OTUD7A: variants seen among roughly 807,000 people sequenced by gnomAD.
The protein encoded by OTUD7A is OTU domain-containing protein 7A.
A neutral mutation model predicts 65.7 loss-of-function variants in OTUD7A; 12 were observed. That is an observed-to-expected ratio of 0.18 (90% confidence interval 0.12 to 0.30). The LOEUF (loss-of-function observed/expected upper bound fraction) is 0.30, where lower values mean the gene tolerates loss of function less well. Among genes scored for constraint, OTUD7A ranks in the 10% least tolerant of loss-of-function variants. The pLI is 1.00. For missense variants in OTUD7A, 1,148 were observed against 1,304.8 expected (o/e 0.88, Z 1.85); for synonymous variants, 641 against 586.3 (o/e 1.09, Z -1.35).
chr15:31,848,096 G>C (rs1897330414), intron 1 of OTUD7A, among the ~76,000 whole-genome samples: 1 of 152,204 alleles, frequency 6.6e-6, no homozygotes, highest in South Asian at 2.1e-4. Flanking sequence ...TCAGGAGTGA[G>C]GTCCCTAACT....
chr15:31,649,016 C>T (rs1485432495), intron 3 of OTUD7A, among the ~76,000 whole-genome samples: 3 of 152,162 alleles, frequency 2.0e-5, no homozygotes, highest in African/African-American at 7.2e-5. Context: ...CAGCCTAGGC[C>T]TCCCAAAGTG....
At chr15:31,574,435 TAA>T (rs1889145372) in intron 3 of OTUD7A, among the ~76,000 whole-genome samples, 2 of 152,168 alleles carry the variant, frequency 1.3e-5, no homozygotes, top group East Asian at 1.9e-4. Flanking sequence ...TTGCTGTATA[TAA>T]GAGACACACC....
chr15:31,734,773 T>G (rs938792470), intron 1 of OTUD7A, among the ~76,000 whole-genome samples: 13 of 151,840 alleles, frequency 8.6e-5, no homozygotes, highest in Non-Finnish European at 1.6e-4. Flanking sequence ...ATTAAAGACT[T>G]AAATGTAAAA....
intron 1 of OTUD7A, among the ~76,000 whole-genome samples, chr15:31,795,146 C>T (rs1895919016): frequency 6.6e-6 from 1 of 152,152 alleles, no homozygotes; most frequent in East Asian, 1.9e-4. Context: ...CATTCGAATC[C>T]TAGGATAAAA....
chr15:31,678,531 A>G (rs1469930692), intron 1 of OTUD7A, among the ~76,000 whole-genome samples: 1 of 152,198 alleles, frequency 6.6e-6, no homozygotes, highest in Non-Finnish European at 1.5e-5. Context: ...CAGTCTCAGG[A>G]CTTGGTGCCC....
chr15:31,859,175 C>T (rs946146208), intron 1 of OTUD7A, among the ~76,000 whole-genome samples: 10 of 152,188 alleles, frequency 6.6e-5, no homozygotes, highest in African/African-American at 1.9e-4. Context: ...GTTTTACTAA[C>T]AAAATTGTAT....
intron 4 of OTUD7A, among the ~76,000 whole-genome samples, chr15:31,561,382 C>G (rs1888683608): frequency 6.6e-6 from 1 of 152,160 alleles, no homozygotes; most frequent in Non-Finnish European, 1.5e-5. Context: ...GAAGGAACTG[C>G]CCCATTTTTC....
chr15:31,780,999 T>G (rs1246325859), intron 1 of OTUD7A, among the ~76,000 whole-genome samples: 1 of 152,232 alleles, frequency 6.6e-6, no homozygotes, highest in Non-Finnish European at 1.5e-5. Flanking sequence ...ATCGGCCTCT[T>G]GTTTAGTCAG....
intron 3 of OTUD7A, among the ~76,000 whole-genome samples, chr15:31,634,094 C>T (rs1452576083): frequency 1.3e-5 from 2 of 152,156 alleles, no homozygotes; most frequent in Non-Finnish European, 2.9e-5. Flanking sequence ...AGAGGGTAAA[C>T]AAGTCTCCCA....
intron 1 of OTUD7A, among the ~76,000 whole-genome samples, chr15:31,858,684 C>T (rs1050774911): frequency 1.5e-4 from 23 of 152,318 alleles, no homozygotes; most frequent in East Asian, 5.8e-4. Flanking sequence ...CCAGGTTCCC[C>T]GTCTTGCCTC....
chr15:31,858,788 T>C (rs551300205), intron 1 of OTUD7A, among the ~76,000 whole-genome samples: 2 of 152,214 alleles, frequency 1.3e-5, no homozygotes, highest in South Asian at 2.1e-4. Context: ...AGCCTCACAG[T>C]CTTCATTTCA....
chr15:31,530,982 G>A (rs1176888978), intron 5 of OTUD7A, among the ~76,000 whole-genome samples, 174 bp from the exon 6 acceptor site: 1 of 152,150 alleles, frequency 6.6e-6, no homozygotes, highest in Non-Finnish European at 1.5e-5. Context: ...TTCCCTTTGA[G>A]GACAAGAAGT....
rs368541819 is a variant in OTUD7A at position 31,563,870 on chromosome 15, C to T, written c.332-4683G>A. ...CATCTAAGGCTCTCCAGCTTGAGTACCCTTCCCCGACTCTCATCTGGAGGA... is the reference window on the plus strand; with the variant it reads ...CATCTAAGGCTCTCCAGCTTGAGTATCCTTCCCCGACTCTCATCTGGAGGA... On this transcript the variant is annotated intron_variant, in intron 4 of 12. Coordinates refer to ENST00000307050, the MANE Select transcript of OTUD7A (RefSeq NM_001382637.1). Among the ~76,000 whole-genome samples the T allele has an allele frequency of 2.7e-3, 407 of 152,262 alleles. 1 individual carries two copies. The highest frequency in any genetic ancestry group is 4.3e-3 in the Non-Finnish European group (290 of 68,024).
intron 4 of OTUD7A, among the ~76,000 whole-genome samples, chr15:31,562,853 A>ATT (rs1026421322): frequency 3.4e-4 from 52 of 152,292 alleles, no homozygotes; most frequent in African/African-American, 1.2e-3. Context: ...TTTACTTAAA[A>ATT]AACAGCCCAG....
At chr15:31,776,975 A>G (rs1360506825) in intron 1 of OTUD7A, among the ~76,000 whole-genome samples, 1 of 151,512 alleles carries the variant, frequency 6.6e-6, no homozygotes, top group East Asian at 1.9e-4. Context: ...AAAGTAATCT[A>G]ACTCTAAAAA....
At chr15:31,776,952 A>T (rs12148362) in intron 1 of OTUD7A, among the ~76,000 whole-genome samples, 25,868 of 152,058 alleles carry the variant, frequency 0.17, 2,490 homozygotes, top group South Asian at 0.36. Context: ...TAATAATAAT[A>T]AAAAAATGCT....
At chr15:31,682,140 A>G (rs536904825) in intron 1 of OTUD7A, among the ~76,000 whole-genome samples, 164 of 152,254 alleles carry the variant, frequency 1.1e-3, no homozygotes, top group African/African-American at 3.6e-3. Context: ...GCAAAGCTAG[A>G]AAAAGGGAAC....
intron 1 of OTUD7A, among the ~76,000 whole-genome samples, chr15:31,792,241 T>C (rs1399141464): frequency 6.6e-6 from 1 of 152,208 alleles, no homozygotes. Context: ...TGCCTGAATG[T>C]GTCTCCTGAC....
At chr15:31,709,698 T>C (rs1595719118) in intron 1 of OTUD7A, among the ~76,000 whole-genome samples, 2 of 151,064 alleles carry the variant, frequency 1.3e-5, no homozygotes, top group South Asian at 4.2e-4. Flanking sequence ...AAAGCTCCAT[T>C]TGCTTTGCAT....
Sources: gnomAD v4.1 joint callset for allele counts (sites outside exome capture counted in the v4.1 genomes callset) on GRCh38, gnomAD v4.1.1 for gene constraint, MANE v1.5 for transcripts, NCBI Gene and HGNC (gene_info 2026-07-23, HGNC 2026-07-21) for gene names.